Variants in ASCC3 observed in about 807,000 individuals in gnomAD.
ASCC3 encodes activating signal cointegrator 1 complex subunit 3, also known as ASC-1 complex subunit P200.
ASCC3 carries 158 observed loss-of-function variants against 256.3 expected under a neutral mutation model. That is an observed-to-expected ratio of 0.62 (90% CI 0.54 to 0.70). The LOEUF is 0.70. Ranked by LOEUF, ASCC3 falls within the 30% of genes least tolerant of loss-of-function variation. The pLI is 0.00. For synonymous variants in ASCC3, 948 were observed against 883.4 expected, an observed-to-expected ratio of 1.07 and a Z score of -1.30; for missense variants, 2,259 against 2,626.0, an observed-to-expected ratio of 0.86 and a Z score of 3.05.
chr6:100,805,885 TA>T lies in ASCC3; in HGVS notation c.802-6del. On this transcript the variant is annotated splice_region_variant and splice_polypyrimidine_tract_variant and intron_variant, in intron 4 of 41. Transcript: ENST00000369162. ...AGGTCCCAGCAGTTCAAATAGCTTA[TA>T]AAAAGAGAAAAAAGTAACAAACATC... 6.2e-7 allele frequency: 1 copy of T among 1,609,466 alleles called. No individual in the cohort carries two copies.
intron 11 of ASCC3, among the ~76,000 whole-genome samples, chr6:100,723,714 C>CG (rs1489362626): frequency 6.7e-6 from 1 of 149,970 alleles, no homozygotes; most frequent in African/African-American, 2.4e-5. Flanking sequence ...GTTTTGGCTT[C>CG]GGAATCAAGT....
At chr6:100,821,606 A>G (rs1771047827) in intron 4 of ASCC3, among the ~76,000 whole-genome samples, 1 of 152,150 alleles carries the variant, frequency 6.6e-6, no homozygotes, top group South Asian at 2.1e-4. Flanking sequence ...TGGGTGGATC[A>G]CAAGGTCAGG....
At chr6:100,672,377 T>C (rs1291393270) in intron 14 of ASCC3, among the ~76,000 whole-genome samples, 2 of 152,020 alleles carry the variant, frequency 1.3e-5, no homozygotes, top group Non-Finnish European at 2.9e-5. Flanking sequence ...TCTTACTGTA[T>C]TGCCTGGACT....
In ASCC3 at chr6:100,789,117, AAGGGAGGACAGG is replaced by A. The variant is rs1420417345; in HGVS notation, c.1395+9584_1395+9595del. Among the ~76,000 whole-genome samples the A allele has an allele frequency of 1.2e-4, 18 of 151,726 alleles. 1 individual carries two copies. On this transcript the variant is annotated intron_variant, in intron 8 of 41. Coordinates refer to ENST00000369162, the MANE Select transcript of ASCC3 (RefSeq NM_006828.4). ...GAGGAAAGGAAAGGAGGAAGGAAGG[AAGGGAGGACAGG>A]AGGGAGGGCAGAGGAAAGAATTTGG...
chr6:100,607,235 C>A lies in ASCC3; in HGVS notation c.4786-147G>T, dbSNP rs1772943599. The A allele has an allele frequency of 4.9e-6, 4 of 808,770 alleles. No individual in the cohort carries two copies. In the South Asian group the frequency reaches 7.0e-5, roughly 14 times the overall value. The allele number at this position is 808,770 out of a possible 1,614,324, so 50.1% of individuals were successfully genotyped here. A position where few individuals can be genotyped will look rare whatever the true frequency, so the allele number is the denominator to read the frequency against. On this transcript the variant is annotated intron_variant, in intron 30 of 41. Coordinates refer to ENST00000369162, the MANE Select transcript of ASCC3 (RefSeq NM_006828.4). ...CCTATATACAGTTATGATTAAAGTT[C>A]AACTAACTGAAAAGAATATCTACTT...
intron 10 of ASCC3, among the ~76,000 whole-genome samples, chr6:100,730,940 T>C (rs552341596): frequency 6.6e-6 from 1 of 152,182 alleles, no homozygotes; most frequent in Non-Finnish European, 1.5e-5. Flanking sequence ...TGGCTTTCAA[T>C]TACAAAATAA....
chr6:100,527,611 C>A (rs955327785), intron 37 of ASCC3, among the ~76,000 whole-genome samples: 2 of 152,168 alleles, frequency 1.3e-5, no homozygotes, highest in African/African-American at 4.8e-5. Flanking sequence ...GGCAATTCTA[C>A]CTCCTGGCAT....
chr6:100,754,770 T>C (rs1054724837), intron 10 of ASCC3, among the ~76,000 whole-genome samples: 2 of 152,106 alleles, frequency 1.3e-5, no homozygotes, highest in African/African-American at 2.4e-5. Flanking sequence ...ATAATCCCCA[T>C]GTATTGTGTG....
chr6:100,607,668 G>A (rs1772971395), intron 30 of ASCC3, among the ~76,000 whole-genome samples: 1 of 151,630 alleles, frequency 6.6e-6, no homozygotes, highest in East Asian at 1.9e-4. Context: ...CCCTGTAATA[G>A]TAAATACTAT....
chr6:100,784,774 A>G (rs1275308127), intron 8 of ASCC3, among the ~76,000 whole-genome samples: 1 of 151,922 alleles, frequency 6.6e-6, no homozygotes, highest in Non-Finnish European at 1.5e-5. Flanking sequence ...TTTTGGTAAT[A>G]GATAAATTTT....
intron 4 of ASCC3, among the ~76,000 whole-genome samples, chr6:100,820,465 A>C (rs1770983303): frequency 6.6e-6 from 1 of 152,222 alleles, no homozygotes; most frequent in South Asian, 2.1e-4. Context: ...CCTTTACTGC[A>C]TACCATATAA....
intron 39 of ASCC3, among the ~76,000 whole-genome samples, chr6:100,513,324 C>T (rs559865897): frequency 1.3e-5 from 2 of 152,232 alleles, no homozygotes; most frequent in Admixed American, 6.5e-5. Context: ...GTAAATCCTT[C>T]CTGATACTGA....
At chr6:100,528,100 C>A (rs577885222) in intron 37 of ASCC3, among the ~76,000 whole-genome samples, 5 of 152,054 alleles carry the variant, frequency 3.3e-5, no homozygotes, top group Non-Finnish European at 7.4e-5. Context: ...CAGCTCCCCC[C>A]TGTTGGGATC....
intron 13 of ASCC3, among the ~76,000 whole-genome samples, chr6:100,680,475 T>G (rs957069234): frequency 6.6e-6 from 1 of 152,216 alleles, no homozygotes; most frequent in Non-Finnish European, 1.5e-5. Context: ...TGTAAGTTTC[T>G]TCTTTGGCCT....
chr6:100,631,392 T>C (rs1224130017), intron 25 of ASCC3, among the ~76,000 whole-genome samples, 179 bp from the exon 26 acceptor site: 13 of 152,014 alleles, frequency 8.6e-5, no homozygotes, highest in Non-Finnish European at 2.9e-5. Flanking sequence ...AAACTACATT[T>C]ACCCAAAATA....
At chr6:100,529,395 G>A (rs1774753792) in intron 37 of ASCC3, among the ~76,000 whole-genome samples, 1 of 152,092 alleles carries the variant, frequency 6.6e-6, no homozygotes, top group South Asian at 2.1e-4. Flanking sequence ...TGCATAAGCA[G>A]TTGATACAAA....
At chr6:100,864,043 A>T (rs1582982788) in intron 3 of ASCC3, 21 bp downstream of exon 3, 1 of 1,511,700 alleles carries the variant, frequency 6.6e-7, no homozygotes, top group African/African-American at 1.4e-5. Context: ...AAAAAAAAAA[A>T]AGAAAAAAAG....
At chr6:100,545,401 C>T (rs1287290827) in intron 36 of ASCC3, among the ~76,000 whole-genome samples, 1 of 152,212 alleles carries the variant, frequency 6.6e-6, no homozygotes, top group Non-Finnish European at 1.5e-5. Context: ...TGGTCTCGAT[C>T]TCTTGACCTT....
intron 8 of ASCC3, among the ~76,000 whole-genome samples, chr6:100,791,314 A>C (rs1769341405): frequency 6.6e-6 from 1 of 151,924 alleles, no homozygotes; most frequent in Admixed American, 6.6e-5. Flanking sequence ...ATAATACTCC[A>C]ACACATAAAA....
Sources: allele counts gnomAD v4.1 joint callset (sites outside exome capture counted in the v4.1 genomes callset), GRCh38; gene constraint gnomAD v4.1.1; transcripts MANE v1.5; gene names NCBI Gene and HGNC (gene_info 2026-07-23, HGNC 2026-07-21).